DOCK10: variants seen among roughly 807,000 people sequenced by gnomAD.
DOCK10 encodes the protein dedicator of cytokinesis 10, also known as dedicator of cytokinesis protein 10.
DOCK10 carries 145 observed loss-of-function variants against 280.1 expected under a neutral mutation model. That is an observed-to-expected ratio of 0.52 (90% CI 0.45 to 0.59). The LOEUF (loss-of-function observed/expected upper bound fraction) is 0.59, where lower values mean the gene tolerates loss of function less well. Among genes scored for constraint, DOCK10 ranks in the 20% least tolerant of loss-of-function variants. The pLI is 0.00. For synonymous variants in DOCK10, 915 were observed against 942.2 expected (o/e 0.97, Z 0.53); for missense variants, 2,368 against 2,651.7 (o/e 0.89, Z 2.35).
In DOCK10 at chr2:224,852,873, T is replaced by G. The variant is rs936841623; in HGVS notation, c.2076+62A>C. 15 of 1,352,822 alleles carry G rather than the reference T, an allele frequency of 1.1e-5. No homozygotes were observed. In the African/African-American group the frequency reaches 1.7e-4, roughly 16 times the overall value. 83.8% of individuals were successfully genotyped at this position (1,352,822 alleles called of 1,614,324 possible). A position where few individuals can be genotyped will look rare whatever the true frequency, so the allele number is the denominator to read the frequency against. On this transcript the variant is annotated intron_variant, in intron 17 of 55. Coordinates refer to ENST00000258390, the MANE Select transcript of DOCK10 (RefSeq NM_014689.3). ...AATTTGTATTTGCACATTCAGGAAC[T>G]ATCTTATATGGTCTAAATACGGTGA...
chr2:225,011,814 A>G (rs1689446948), intron 1 of DOCK10, among the ~76,000 whole-genome samples: 1 of 152,194 alleles, frequency 6.6e-6, no homozygotes, highest in Non-Finnish European at 1.5e-5. Context: ...AGAACGGTCT[A>G]GCTGCCCTTA....
chr2:225,021,902 T>C (rs967502345), intron 1 of DOCK10, among the ~76,000 whole-genome samples: 2 of 152,204 alleles, frequency 1.3e-5, no homozygotes, highest in African/African-American at 4.8e-5. Context: ...ATAACTAAGA[T>C]GGGACCCATA....
At chr2:224,954,480 G>T (rs1394086847) in intron 1 of DOCK10, among the ~76,000 whole-genome samples, 1 of 151,842 alleles carries the variant, frequency 6.6e-6, no homozygotes, top group African/African-American at 2.4e-5. Flanking sequence ...TTTGCTAAAG[G>T]CATCCAACTG....
chr2:224,851,564 A>G (rs2125541070), intron 18 of DOCK10, among the ~76,000 whole-genome samples: 2 of 151,932 alleles, frequency 1.3e-5, no homozygotes, highest in South Asian at 4.2e-4. Flanking sequence ...TACAAATTAG[A>G]GGACTCAATT....
intron 31 of DOCK10, among the ~76,000 whole-genome samples, chr2:224,808,807 A>AT (rs1693575134): frequency 6.6e-6 from 1 of 151,848 alleles, no homozygotes. Flanking sequence ...ACTTATTAAT[A>AT]TGGTGTGGCA....
intron 1 of DOCK10, among the ~76,000 whole-genome samples, chr2:224,999,949 T>G (rs371811733): frequency 6.6e-6 from 1 of 152,210 alleles, no homozygotes; most frequent in African/African-American, 2.4e-5. Context: ...AGGATCTCTC[T>G]GATCATTCTT....
intron 40 of DOCK10, among the ~76,000 whole-genome samples, chr2:224,800,887 G>A (rs1239344091): frequency 6.6e-6 from 1 of 152,074 alleles, no homozygotes; most frequent in Non-Finnish European, 1.5e-5. Flanking sequence ...CAATCAATAC[G>A]TGTAAGATGT....
At chr2:225,011,271 C>T (rs1405633180) in intron 1 of DOCK10, among the ~76,000 whole-genome samples, 1 of 151,992 alleles carries the variant, frequency 6.6e-6, no homozygotes, top group Non-Finnish European at 1.5e-5. Context: ...GTAGATAAGT[C>T]ACAGGTACAA....
At chr2:224,916,429 T>C (rs758150764) in intron 3 of DOCK10, among the ~76,000 whole-genome samples, 3 of 151,356 alleles carry the variant, frequency 2.0e-5, no homozygotes, top group Non-Finnish European at 2.9e-5. Context: ...TAATCCCAGC[T>C]ACTTGGGAAG....
intron 27 of DOCK10, 48 bp downstream of exon 27, chr2:224,830,492 TG>T: frequency 9.8e-7 from 1 of 1,016,696 alleles, no homozygotes; most frequent in Non-Finnish European, 1.4e-6. Flanking sequence ...GTGTAATTGT[TG>T]GATAATATTG....
rs181230352 is a variant in DOCK10, at chr2:225,006,138, G to A, written c.123+36114C>T. Among the ~76,000 whole-genome samples, 76 of 152,244 alleles carry A rather than the reference G, an allele frequency of 5.0e-4. 1 individual carries two copies. Among genetic ancestry groups the A allele is most frequent in the Non-Finnish European group, 8.5e-4 (58 of 68,000 alleles). On this transcript the variant is annotated intron_variant, in intron 1 of 55. Coordinates refer to ENST00000258390, the MANE Select transcript of DOCK10 (RefSeq NM_014689.3). Reference sequence around the variant, plus strand: ...TATATTTTAAATATTTGACCAATACGAAAACCATCTTCATTCTTCTCCCCA... The same window carrying A: ...TATATTTTAAATATTTGACCAATACAAAAACCATCTTCATTCTTCTCCCCA...
chr2:224,981,056 G>A (rs1007375270), intron 1 of DOCK10, among the ~76,000 whole-genome samples: 2 of 151,962 alleles, frequency 1.3e-5, no homozygotes, highest in African/African-American at 4.8e-5. Flanking sequence ...GTGTGTTAAT[G>A]TTATTAACAA....
chr2:224,916,660 G>C (rs1404149496), intron 3 of DOCK10, 35 bp downstream of exon 3: 3 of 1,483,796 alleles, frequency 2.0e-6, no homozygotes, highest in Admixed American at 1.9e-5. Flanking sequence ...AAAAGCAAAA[G>C]CCTTAAAATA....
At chr2:225,008,152 G>T (rs1287585564) in intron 1 of DOCK10, among the ~76,000 whole-genome samples, 7 of 152,144 alleles carry the variant, frequency 4.6e-5, no homozygotes, top group Admixed American at 4.6e-4. Context: ...TAGTCTTCTT[G>T]TCATTCATTC....
Position 225,001,694 on chromosome 2 carries a change from T to G in DOCK10, c.123+40558A>C, listed in dbSNP as rs139688564. ...AATAAATACCATAACCTGGGTGGTT[T>G]ATAAACAACAAAAATTAATTTCACA... is the stretch of plus-strand genomic sequence containing the variant. On this transcript the variant is annotated intron_variant, in intron 1 of 55. Transcript: ENST00000258390. 4.0e-3 allele frequency among the ~76,000 whole-genome samples: 608 copies of G among 152,312 alleles called. 6 individuals are homozygous for G. The highest frequency in any genetic ancestry group is 0.014 in the African/African-American group (583 of 41,558).
chr2:224,965,772 T>C (rs1704700897), intron 1 of DOCK10, among the ~76,000 whole-genome samples: 1 of 152,224 alleles, frequency 6.6e-6, no homozygotes, highest in South Asian at 2.1e-4. Flanking sequence ...TAAAATACTC[T>C]TTCTTGAGAA....
chr2:224,832,356 A>G (rs1695292437), intron 26 of DOCK10, among the ~76,000 whole-genome samples: 1 of 152,226 alleles, frequency 6.6e-6, no homozygotes, highest in Non-Finnish European at 1.5e-5. Context: ...GGGGGATCAC[A>G]TATGGTCACC....
At chr2:224,952,279 G>C (rs1475567555) in intron 1 of DOCK10, among the ~76,000 whole-genome samples, 1 of 152,188 alleles carries the variant, frequency 6.6e-6, no homozygotes, top group South Asian at 2.1e-4. Context: ...TTAACATCAA[G>C]GATGTACTGA....
At position 224,962,296 on chromosome 2, in the gene DOCK10, C is replaced by T. The variant is rs4674954; in HGVS notation, c.124-30628G>A. ...AATTAGGTATGTAGCATTGGGTTCA[C>T]GGGGTTTCTGTGAAATCTCAGCACA... On this transcript the variant is annotated intron_variant, in intron 1 of 55. Transcript: ENST00000258390. 4.1e-3 allele frequency among the ~76,000 whole-genome samples: 629 copies of T among 152,252 alleles called. 3 individuals are homozygous for T. Among genetic ancestry groups the T allele is most frequent in the African/African-American group, 0.014 (602 of 41,540 alleles).
Sources: allele counts gnomAD v4.1 joint callset (sites outside exome capture counted in the v4.1 genomes callset), GRCh38; gene constraint gnomAD v4.1.1; transcripts MANE v1.5; gene names NCBI Gene and HGNC (gene_info 2026-07-23, HGNC 2026-07-21).